The following RARB variants were observed in gnomAD, a reference collection of about 807,000 sequenced individuals.
RARB encodes HBV-activated protein.
RARB carries 17 observed loss-of-function variants against 51.9 expected under a neutral mutation model. The ratio of observed to expected loss-of-function variants is 0.33; its 90% CI spans 0.22 to 0.49. The LOEUF is 0.49. Among genes scored for constraint, RARB ranks in the 20% least tolerant of loss-of-function variants. RARB has a pLI of 0.99. For synonymous variants in RARB, 215 were observed against 195.4 expected (o/e 1.10, Z -0.84); for missense variants, 369 against 550.8 (o/e 0.67, Z 3.30).
intron 4 of RARB, among the ~76,000 whole-genome samples, chr3:25,143,609 G>A (rs1277434242): frequency 6.6e-6 from 1 of 152,144 alleles, no homozygotes. Context: ...TGCCCTGGTA[G>A]CCTCTGTAGG....
chr3:25,274,730 T>C (rs1703337719), intron 5 of RARB, among the ~76,000 whole-genome samples: 1 of 152,186 alleles, frequency 6.6e-6, no homozygotes, highest in Non-Finnish European at 1.5e-5. Flanking sequence ...GCATGTCCCC[T>C]TATTCTGGGA....
chr3:24,916,697 C>T (rs1169375944), intron 2 of RARB, among the ~76,000 whole-genome samples: 1 of 141,470 alleles, frequency 7.1e-6, no homozygotes, highest in Non-Finnish European at 1.5e-5. Context: ...AAAAGTATTG[C>T]AGTTTCTTAT....
intron 2 of RARB, among the ~76,000 whole-genome samples, chr3:24,876,316 T>A (rs1187020637): frequency 1.3e-5 from 2 of 152,168 alleles, no homozygotes; most frequent in Non-Finnish European, 2.9e-5. Flanking sequence ...ATGACAATTA[T>A]CACTGAAGTA....
intron 5 of RARB, among the ~76,000 whole-genome samples, chr3:25,292,771 A>G (rs1703820778): frequency 6.6e-6 from 1 of 152,164 alleles, no homozygotes; most frequent in Non-Finnish European, 1.5e-5. Context: ...GTTGGTTTCA[A>G]AATGGGCATG....
intron 2 of RARB, among the ~76,000 whole-genome samples, chr3:25,473,926 A>AAAAAAAAAAG (rs1360239155): frequency 7.4e-6 from 1 of 134,594 alleles, no homozygotes; most frequent in Non-Finnish European, 1.6e-5. Context: ...GGCAGGAAAA[A>AAAAAAAAAAG]AAAAAAACCT....
At chr3:24,856,630 A>T (rs944670263) in intron 1 of RARB, among the ~76,000 whole-genome samples, 4 of 152,160 alleles carry the variant, frequency 2.6e-5, no homozygotes. Context: ...GGCCATTTTC[A>T]GTCCTTAAAA....
chr3:25,422,069 G>T (rs1707878528), intron 5 of RARB, among the ~76,000 whole-genome samples: 2 of 152,148 alleles, frequency 1.3e-5, no homozygotes, highest in South Asian at 2.1e-4. Flanking sequence ...ATGTGACTGA[G>T]AACTCATTTT....
intron 5 of RARB, among the ~76,000 whole-genome samples, chr3:25,297,904 G>A (rs935320966): frequency 6.6e-6 from 1 of 152,166 alleles, no homozygotes; most frequent in Non-Finnish European, 1.5e-5. Flanking sequence ...CTGGTGGGGT[G>A]AGGAAGAATT....
intron 2 of RARB, among the ~76,000 whole-genome samples, chr3:25,500,895 G>A (rs1296901220): frequency 6.6e-6 from 1 of 152,124 alleles, no homozygotes; most frequent in Non-Finnish European, 1.5e-5. Flanking sequence ...TGTTTGGAGG[G>A]AACCCAACTC....
intron 2 of RARB, among the ~76,000 whole-genome samples, chr3:24,861,532 A>G (rs1702746818): frequency 6.6e-6 from 1 of 151,958 alleles, no homozygotes; most frequent in Non-Finnish European, 1.5e-5. Flanking sequence ...AGGAACTAAG[A>G]GAATGATTTA....
At chr3:25,018,221 A>G (rs1410332106) in intron 2 of RARB, among the ~76,000 whole-genome samples, 2 of 150,024 alleles carry the variant, frequency 1.3e-5, no homozygotes, top group Non-Finnish European at 3.0e-5. Context: ...TAAAACAAAC[A>G]TATTGTGCAA....
At chr3:25,322,256 C>G (rs1354633079) in intron 5 of RARB, among the ~76,000 whole-genome samples, 3 of 151,934 alleles carry the variant, frequency 2.0e-5, no homozygotes, top group Admixed American at 6.6e-5. Context: ...TTCCTTCCAC[C>G]AAAATAAACC....
chr3:24,909,019 C>T (rs752156991), intron 2 of RARB, among the ~76,000 whole-genome samples: 10 of 152,018 alleles, frequency 6.6e-5, no homozygotes, highest in African/African-American at 2.2e-4. Flanking sequence ...TGATCTCTCC[C>T]GTTATATAAC....
chr3:25,333,229 A>C (rs1704958825), intron 5 of RARB, among the ~76,000 whole-genome samples: 2 of 152,148 alleles, frequency 1.3e-5, no homozygotes. Flanking sequence ...GTCAATCCTA[A>C]GCCAAAAGAA....
chr3:25,501,402 TCA>T, intron 3 of RARB, 79 bp downstream of exon 3: 1 of 1,527,614 alleles, frequency 6.5e-7, no homozygotes. Context: ...CATGTGGAAT[TCA>T]CACACGACAC....
intron 5 of RARB, among the ~76,000 whole-genome samples, chr3:25,204,760 G>A (rs1309448588): frequency 6.6e-6 from 1 of 152,166 alleles, no homozygotes; most frequent in African/African-American, 2.4e-5. Context: ...AACAGCAAAT[G>A]TTGCTGCCTG....
At position 24,857,602 on chromosome 3, in the gene RARB, C is replaced by G. The variant is rs949547299; in HGVS notation, c.-458-1072C>G. ...TTTTTACTTGTAAATTCTGCCAACA[C>G]TAGTTACTCCTCTTTAACTAATGCT... On this transcript the variant is annotated intron_variant, in intron 1 of 11. Coordinates refer to the RARB transcript ENST00000383772. 2.6e-5 allele frequency among the ~76,000 whole-genome samples: 4 copies of G among 152,298 alleles called. No individual in the cohort carries two copies. In the South Asian group the frequency reaches 8.3e-4, roughly 32 times the overall value.
At chr3:25,471,184 A>G (rs1166433490) in intron 2 of RARB, among the ~76,000 whole-genome samples, 8 of 152,204 alleles carry the variant, frequency 5.3e-5, no homozygotes, top group Admixed American at 5.2e-4. Flanking sequence ...TTTGGTGACC[A>G]AAGTCTAGCT....
intron 2 of RARB, among the ~76,000 whole-genome samples, chr3:25,006,418 T>C (rs74360341): frequency 0.01 from 1,556 of 152,302 alleles, 29 homozygotes; most frequent in African/African-American, 0.036. Context: ...AGTTGTGACG[T>C]TGGCTTTCAA....
Sources: gnomAD v4.1 joint callset for allele counts (sites outside exome capture counted in the v4.1 genomes callset) on GRCh38, gnomAD v4.1.1 for gene constraint, MANE v1.5 for transcripts, NCBI Gene and HGNC (gene_info 2026-07-23, HGNC 2026-07-21) for gene names.